Variants in TAF2 observed in about 807,000 individuals in gnomAD.
TAF2 encodes transcription initiation factor TFIID subunit 2.
Under a neutral mutation model 138.5 loss-of-function variants are expected in TAF2, and 61 were observed. The ratio of observed to expected loss-of-function variants is 0.44; its 90% CI spans 0.36 to 0.54. The LOEUF is 0.54. Among genes scored for constraint, TAF2 ranks in the 20% least tolerant of loss-of-function variants. The pLI is 0.00. For missense variants in TAF2, 1,090 were observed against 1,427.9 expected (o/e 0.76, Z 3.81); for synonymous variants, 475 against 469.9 (o/e 1.01, Z -0.14).
chr8:119,760,309 G>C (rs879882728), intron 20 of TAF2: 1 of 291,286 alleles, frequency 3.4e-6, no homozygotes, highest in Admixed American at 4.9e-5. Context: ...ATCCTTCTTA[G>C]AAATTTCTCA....
chr8:119,820,036 G>A (rs2131257340), intron 2 of TAF2, among the ~76,000 whole-genome samples: 1 of 152,296 alleles, frequency 6.6e-6, no homozygotes, highest in South Asian at 2.1e-4. Context: ...TCCAGGAGCA[G>A]CAAATACATC....
intron 10 of TAF2, 160 bp from the exon 11 acceptor site, chr8:119,791,619 G>T: frequency 1.3e-6 from 1 of 760,326 alleles, no homozygotes; most frequent in Non-Finnish European, 2.0e-6. Flanking sequence ...TTAACTAGAA[G>T]AAAATTATGA....
chr8:119,759,207 C>A (rs1373608086), intron 20 of TAF2, among the ~76,000 whole-genome samples: 1 of 152,044 alleles, frequency 6.6e-6, no homozygotes, highest in Non-Finnish European at 1.5e-5. Context: ...ATAATTATTT[C>A]TAACAGGAAA....
At position 119,788,662 on chromosome 8, in the gene TAF2, A is replaced by G. The variant is rs1343232252; in HGVS notation, c.1683+128T>C. The G allele has an allele frequency of 8.5e-6, 7 of 820,788 alleles. No individual in the cohort carries two copies. The Admixed American group carries it at 1.1e-4, about 12-fold the overall frequency. The allele number at this position is 820,788 out of a possible 1,614,324, so 50.8% of individuals were successfully genotyped here. ...CCTCTTCCCTTCTTTGACAAAGTCA[A>G]TGTTTTCTCAATTTATCCACTTCAA... On this transcript the variant is annotated intron_variant, in intron 13 of 25. Transcript: ENST00000378164.
intron 22 of TAF2, among the ~76,000 whole-genome samples, chr8:119,752,643 C>A (rs1258707816): frequency 6.6e-6 from 1 of 152,140 alleles, no homozygotes; most frequent in African/African-American, 2.4e-5. Context: ...TTTTTCAAAT[C>A]CTGTTTCTAT....
intron 8 of TAF2, among the ~76,000 whole-genome samples, chr8:119,796,648 T>C (rs1373181270): frequency 6.6e-6 from 1 of 152,142 alleles, no homozygotes; most frequent in African/African-American, 2.4e-5. Flanking sequence ...TTTAAGACAC[T>C]GTTTTACCAA....
chr8:119,780,994 G>C, intron 17 of TAF2, 59 bp downstream of exon 17: 4 of 1,461,528 alleles, frequency 2.7e-6, no homozygotes, highest in Non-Finnish European at 3.8e-6. Context: ...TATTTGAACA[G>C]TCTCCAACTT....
chr8:119,778,742 C>T (rs1204839390), intron 17 of TAF2, among the ~76,000 whole-genome samples: 1 of 152,194 alleles, frequency 6.6e-6, no homozygotes, highest in East Asian at 1.9e-4. Context: ...ATCTGAAATG[C>T]AGCCTAATTT....
At chr8:119,829,958 G>A (rs960050002) in intron 2 of TAF2, among the ~76,000 whole-genome samples, 8 of 149,300 alleles carry the variant, frequency 5.4e-5, no homozygotes, top group East Asian at 2.0e-4. Flanking sequence ...TCCCAGGTTC[G>A]GCGCGATCTC....
At chr8:119,781,418 C>T (rs1468629916) in intron 16 of TAF2, among the ~76,000 whole-genome samples, 1 of 152,172 alleles carries the variant, frequency 6.6e-6, no homozygotes, top group African/African-American at 2.4e-5. Flanking sequence ...TGGCTCACAC[C>T]TGTAATCCCA....
At chr8:119,794,375 AAC>A (rs1352162540) in intron 9 of TAF2, among the ~76,000 whole-genome samples, 2 of 151,066 alleles carry the variant, frequency 1.3e-5, no homozygotes. Flanking sequence ...CAGCCTGAGC[AAC>A]AGAGTGAGAC....
At chr8:119,831,611 G>T in intron 2 of TAF2, 66 bp downstream of exon 2, 1 of 1,179,694 alleles carries the variant, frequency 8.5e-7, no homozygotes, top group Non-Finnish European at 1.3e-6. Context: ...TAAGTACTGT[G>T]AGGGGTGGAT....
At chr8:119,825,901 C>T (rs1226636009) in intron 2 of TAF2, among the ~76,000 whole-genome samples, 2 of 150,436 alleles carry the variant, frequency 1.3e-5, no homozygotes, top group Admixed American at 1.3e-4. Context: ...ACTGTGTTAG[C>T]CAGGATGGTC....
At chr8:119,777,169 A>G (rs1264333296) in intron 18 of TAF2, among the ~76,000 whole-genome samples, 1 of 152,244 alleles carries the variant, frequency 6.6e-6, no homozygotes, top group Admixed American at 6.5e-5. Flanking sequence ...CAAATATTAT[A>G]TAACATTTAT....
At chr8:119,757,012 T>G (rs910943395) in intron 21 of TAF2, among the ~76,000 whole-genome samples, 1 of 152,178 alleles carries the variant, frequency 6.6e-6, no homozygotes, top group Admixed American at 6.5e-5. Flanking sequence ...GTAATTCTTA[T>G]GGAGGTCAGC....
intron 3 of TAF2, among the ~76,000 whole-genome samples, chr8:119,811,772 GTCCAGCT>G (rs1825076020): frequency 7.4e-6 from 1 of 135,576 alleles, no homozygotes; most frequent in African/African-American, 2.8e-5. Flanking sequence ...CGCCACTGCA[GTCCAGCT>G]TGGGCGAAAG....
Position 119,760,664 on chromosome 8 carries a change from G to C in TAF2, c.2633C>G (p.Ala878Gly). The change falls in exon 20 of 26, where the codon GCT (alanine) becomes GGT (glycine). Residue 878 changes from alanine to glycine, a missense_variant. Ala to Gly is a moderately conservative substitution (Grantham distance 60). Transcript: ENST00000378164. ...PSDPALFKSY[A>G]EYGHFVDIRI... ...AATGTCCACAAAGTGGCCATATTCA[G>C]CATAAGATTTAAAAAGAGCTGGATC... 6.2e-7 allele frequency: 1 copy of C among 1,613,898 alleles called. No individual in the cohort carries two copies. The highest frequency in any genetic ancestry group is 8.5e-7 in the Non-Finnish European group (1 of 1,179,942).
intron 1 of TAF2, 94 bp downstream of exon 1, chr8:119,832,388 T>A: frequency 8.4e-7 from 1 of 1,187,666 alleles, no homozygotes; most frequent in Non-Finnish European, 1.2e-6. Flanking sequence ...CCCACTAGGT[T>A]TCCCAGGCCC....
In TAF2 at chr8:119,802,040, G is replaced by T. The variant is rs537769571; in HGVS notation, c.561-15C>A. On this transcript the variant is annotated splice_polypyrimidine_tract_variant and intron_variant, in intron 5 of 25. Transcript: ENST00000378164. ...GGAACCAAAATCTAGAAAAAAGATT[G>T]ACAGTATAGAAAATGTATTCAAAGA... 1 of 1,590,242 alleles carries T rather than the reference G, an allele frequency of 6.3e-7. No individual in the cohort carries two copies. The highest frequency in any genetic ancestry group is 1.1e-5 in the South Asian group (1 of 90,118).
Sources: allele counts gnomAD v4.1 joint callset (sites outside exome capture counted in the v4.1 genomes callset), GRCh38; gene constraint gnomAD v4.1.1; transcripts MANE v1.5; gene names NCBI Gene and HGNC (gene_info 2026-07-23, HGNC 2026-07-21).